IL2RA: variants seen among roughly 807,000 people sequenced by gnomAD.
IL2RA encodes interleukin 2 receptor subunit alpha.
IL2RA carries 24 observed loss-of-function variants against 37.8 expected under a neutral mutation model. That is an observed-to-expected ratio of 0.63 (90% CI 0.46 to 0.89). The LOEUF is 0.89. Ranked by LOEUF, IL2RA falls within the 40% of genes least tolerant of loss-of-function variation. The probability of loss-of-function intolerance (pLI) is 0.00; values close to 1 mark genes in which losing one functional copy is unlikely to be tolerated. For synonymous variants in IL2RA, 125 were observed against 114.6 expected (o/e 1.09, Z -0.58); for missense variants, 319 against 348.6 (o/e 0.92, Z 0.68).
intron 1 of IL2RA, among the ~76,000 whole-genome samples, chr10:6,037,412 TTTACTC>T (rs1839705498): frequency 3.3e-5 from 5 of 152,256 alleles, no homozygotes; most frequent in African/African-American, 1.2e-4. Context: ...GTGAAGTTGT[TTTACTC>T]TTAGCCCAGC....
chr10:6,053,036 G>A (rs1157618360), intron 1 of IL2RA, among the ~76,000 whole-genome samples: 1 of 152,158 alleles, frequency 6.6e-6, no homozygotes, highest in Non-Finnish European at 1.5e-5. Context: ...CGGCTCTGTG[G>A]GTACCGCCTC....
At chr10:6,059,591 A>C (rs750653084) in intron 1 of IL2RA, among the ~76,000 whole-genome samples, 4 of 152,184 alleles carry the variant, frequency 2.6e-5, no homozygotes, top group Non-Finnish European at 5.9e-5. Flanking sequence ...AAAATGCCTA[A>C]TGCCTTAGAT....
rs1052952499 is a variant in IL2RA, at chr10:6,035,426, G to C, written c.65-9401C>G. Among the ~76,000 whole-genome samples, 1 of 152,200 alleles carries C rather than the reference G, an allele frequency of 6.6e-6. No individual in the cohort carries two copies. The highest frequency in any genetic ancestry group is 1.5e-5 in the Non-Finnish European group (1 of 68,032). ...GCAGGACGGAGCTGCTCTTGCACAC[G>C]GTTTCGTGGGCTGGATTTTCTCTGT... is the stretch of plus-strand genomic sequence containing the variant. On this transcript the variant is annotated intron_variant, in intron 1 of 7. Coordinates refer to ENST00000379959, the MANE Select transcript of IL2RA (RefSeq NM_000417.3). This position sits in a 1 kb window ranked among gnomAD's most constrained non-coding sequence, Gnocchi z 5.4.
In IL2RA at chr10:6,046,936, G is replaced by T. The variant is rs1019095263; in HGVS notation, c.64+15152C>A. On this transcript the variant is annotated intron_variant, in intron 1 of 7. Transcript: ENST00000379959. The surrounding 1 kb of genome is among the most constrained non-coding windows in gnomAD (Gnocchi z 4.8). ...CATGGGAACTTAAGATGCAGGCAGGGATCCCATGTCCTACTGGAAGGTTTA... is the reference window on the plus strand; with the variant it reads ...CATGGGAACTTAAGATGCAGGCAGGTATCCCATGTCCTACTGGAAGGTTTA... Among the ~76,000 whole-genome samples the T allele has an allele frequency of 6.6e-6, 1 of 152,190 alleles. No homozygotes were observed. Among genetic ancestry groups the T allele is most frequent in the Admixed American group, 6.5e-5 (1 of 15,292 alleles).
At position 6,029,336 on chromosome 10, in the gene IL2RA, T is replaced by C. The variant is rs952849380; in HGVS notation, c.65-3311A>G. Among the ~76,000 whole-genome samples the C allele has an allele frequency of 6.6e-6, 1 of 151,990 alleles. No homozygotes were observed. Among genetic ancestry groups the C allele is most frequent in the Non-Finnish European group, 1.5e-5 (1 of 68,008 alleles). On this transcript the variant is annotated intron_variant, in intron 1 of 7. Coordinates refer to ENST00000379959, the MANE Select transcript of IL2RA (RefSeq NM_000417.3). This position sits in a 1 kb window ranked among gnomAD's most constrained non-coding sequence, Gnocchi z 4.6. ...TGCGCCAACACGTCTGGCTACTTTT[T>C]GTGTTTTTAGTAGAGATGAGGTTTC...
rs557387031 is a variant in IL2RA at position 6,014,483 on chromosome 10, G to A, written c.795-1587C>T. Among the ~76,000 whole-genome samples the A allele has an allele frequency of 6.6e-5, 10 of 152,216 alleles. No individual in the cohort carries two copies. The highest frequency in any genetic ancestry group is 1.2e-4 in the Non-Finnish European group (8 of 68,044). On this transcript the variant is annotated intron_variant, in intron 7 of 7. Coordinates refer to ENST00000379959, the MANE Select transcript of IL2RA (RefSeq NM_000417.3). The surrounding 1 kb of genome is among the most constrained non-coding windows in gnomAD (Gnocchi z 4.4). ...GTGGGAACTCACATAGGTTCACACA[G>A]TTATTTGTTTCACAACATAAACACT... is the stretch of plus-strand genomic sequence containing the variant.
chr10:6,042,277 C>T (rs199936937), intron 1 of IL2RA, among the ~76,000 whole-genome samples: 1 of 149,618 alleles, frequency 6.7e-6, no homozygotes, highest in Non-Finnish European at 1.5e-5. Flanking sequence ...CCTACACAAT[C>T]ATTTTAATAG....
chr10:6,017,434 C>G lies in IL2RA; in HGVS notation c.794+619G>C, dbSNP rs560925525. On this transcript the variant is annotated intron_variant, in intron 7 of 7. Transcript: ENST00000379959. ...CCATCTTCTCCAAGCTGTTGCATCT[C>G]TCTAGGCCACAGCTATTCCAAAGGT... Among the ~76,000 whole-genome samples the G allele has an allele frequency of 1.1e-4, 16 of 152,236 alleles. No individual in the cohort carries two copies. In the South Asian group the frequency reaches 3.3e-3, roughly 32 times the overall value.
Position 6,018,018 on chromosome 10 carries a change from C to T in IL2RA, c.794+35G>A. On this transcript the variant is annotated intron_variant, in intron 7 of 7. Transcript: ENST00000379959. The surrounding 1 kb of genome is among the most constrained non-coding windows in gnomAD (Gnocchi z 5.1). Reference sequence around the variant, plus strand: ...GTGGGGCTGGGTACAGGACTTTGATCTGACCAAGGGCTGCCTTGGTGATGC... The same window carrying T: ...GTGGGGCTGGGTACAGGACTTTGATTTGACCAAGGGCTGCCTTGGTGATGC... 6.3e-7 allele frequency: 1 copy of T among 1,589,618 alleles called. No individual in the cohort carries two copies. The highest frequency in any genetic ancestry group is 1.1e-5 in the South Asian group (1 of 89,626).
At chr10:6,053,347 C>T (rs776670429) in intron 1 of IL2RA, among the ~76,000 whole-genome samples, 42 of 152,194 alleles carry the variant, frequency 2.8e-4, no homozygotes, top group Non-Finnish European at 4.7e-4. Flanking sequence ...TGAGAATTAA[C>T]CAAAGTAATA....
intron 1 of IL2RA, among the ~76,000 whole-genome samples, chr10:6,043,021 C>G (rs1282603636): frequency 6.6e-6 from 1 of 152,092 alleles, no homozygotes; most frequent in East Asian, 1.9e-4. Flanking sequence ...TAGGTATATT[C>G]CTAGAGAAAT....
At position 6,044,232 on chromosome 10, in the gene IL2RA, T is replaced by C. The variant is rs1349618085; in HGVS notation, c.64+17856A>G. On this transcript the variant is annotated intron_variant, in intron 1 of 7. Transcript: ENST00000379959. The surrounding 1 kb of genome is among the most constrained non-coding windows in gnomAD (Gnocchi z 4.5). ...CTTAGCCCGCAAGGGTTCTTGGCTT[T>C]GCCCAGGAAGGAATTCAGGGGCAAG... Among the ~76,000 whole-genome samples, 1 of 152,220 alleles carries C rather than the reference T, an allele frequency of 6.6e-6. No individual in the cohort carries two copies. The highest frequency in any genetic ancestry group is 2.4e-5 in the African/African-American group (1 of 41,454).
chr10:6,018,905 A>C lies in IL2RA; in HGVS notation c.727+523T>G, dbSNP rs1437212739. ...CTACCAACAAACTAACCAACCAACC[A>C]ATCTACCAATCTATCTACCAACCAA... On this transcript the variant is annotated intron_variant, in intron 6 of 7. Transcript: ENST00000379959. This position sits in a 1 kb window ranked among gnomAD's most constrained non-coding sequence, Gnocchi z 5.1. Among the ~76,000 whole-genome samples, 1 of 151,980 alleles carries C rather than the reference A, an allele frequency of 6.6e-6. No homozygotes were observed. The highest frequency in any genetic ancestry group is 6.6e-5 in the Admixed American group (1 of 15,266).
chr10:6,015,335 C>T lies in IL2RA; in HGVS notation c.795-2439G>A, dbSNP rs189997859. Among the ~76,000 whole-genome samples, 250 of 152,156 alleles carry T rather than the reference C, an allele frequency of 1.6e-3. No individual in the cohort carries two copies. Among genetic ancestry groups the T allele is most frequent in the African/African-American group, 5.8e-3 (240 of 41,492 alleles). ...CTCAAACTCCTGACCTCAAGTAATC[C>T]GCCTGCCTCGGCCTCCCAAAGTGCT... is the stretch of plus-strand genomic sequence containing the variant. On this transcript the variant is annotated intron_variant, in intron 7 of 7. Coordinates refer to ENST00000379959, the MANE Select transcript of IL2RA (RefSeq NM_000417.3). This position sits in a 1 kb window ranked among gnomAD's most constrained non-coding sequence, Gnocchi z 4.9.
rs1187738107 is a variant in IL2RA, at chr10:6,054,493, A to G, written c.64+7595T>C. 6.6e-6 allele frequency among the ~76,000 whole-genome samples: 1 copy of G among 152,154 alleles called. No individual in the cohort carries two copies. Among genetic ancestry groups the G allele is most frequent in the South Asian group, 2.1e-4 (1 of 4,818 alleles). Reference sequence around the variant, plus strand: ...ACATGCTGTCTGTCTGAGCAAAAGTATTCGTTTTTGTCCGAGAATCTGAGA... The same window carrying G: ...ACATGCTGTCTGTCTGAGCAAAAGTGTTCGTTTTTGTCCGAGAATCTGAGA... On this transcript the variant is annotated intron_variant, in intron 1 of 7. Transcript: ENST00000379959. The surrounding 1 kb of genome is among the most constrained non-coding windows in gnomAD (Gnocchi z 4.5).
At position 6,035,024 on chromosome 10, in the gene IL2RA, G is replaced by A. The variant is rs755819446; in HGVS notation, c.65-8999C>T. On this transcript the variant is annotated intron_variant, in intron 1 of 7. Transcript: ENST00000379959. This position sits in a 1 kb window ranked among gnomAD's most constrained non-coding sequence, Gnocchi z 5.4. ...TGGGAAAATTTGAGATGATCAATTC[G>A]GGAGTTGGAGGTGGGGGTGTAGGGT... Among the ~76,000 whole-genome samples, 57 of 152,252 alleles carry A rather than the reference G, an allele frequency of 3.7e-4. No individual in the cohort carries two copies. The highest frequency in any genetic ancestry group is 5.9e-4 in the Non-Finnish European group (40 of 68,014).
chr10:6,061,152 G>A (rs1397565921), intron 1 of IL2RA, among the ~76,000 whole-genome samples: 2 of 152,142 alleles, frequency 1.3e-5, no homozygotes, highest in African/African-American at 2.4e-5. Flanking sequence ...AGTATGGGAG[G>A]CCAGGGTGAG....
At chr10:6,019,071 C>T (rs1401219026) in intron 6 of IL2RA, among the ~76,000 whole-genome samples, 2 of 152,046 alleles carry the variant, frequency 1.3e-5, no homozygotes, top group African/African-American at 4.8e-5. Context: ...TATCAACTTA[C>T]CAACCAACCT....
rs1026226114 is a variant in IL2RA at position 6,047,469 on chromosome 10, G to T, written c.64+14619C>A. 6.6e-6 allele frequency among the ~76,000 whole-genome samples: 1 copy of T among 152,150 alleles called. No homozygotes were observed. Among genetic ancestry groups the T allele is most frequent in the South Asian group, 2.1e-4 (1 of 4,830 alleles). On this transcript the variant is annotated intron_variant, in intron 1 of 7. Transcript: ENST00000379959. This position sits in a 1 kb window ranked among gnomAD's most constrained non-coding sequence, Gnocchi z 5.0. ...TGTAGCATGCACCCTGTGCCTCCGG[G>T]CCACCAAAAACAGCAATCACGTCAG...
Sources: allele counts gnomAD v4.1 joint callset (sites outside exome capture counted in the v4.1 genomes callset), GRCh38; gene constraint gnomAD v4.1.1; non-coding constraint Gnocchi (gnomAD v3.1); transcripts MANE v1.5; gene names NCBI Gene and HGNC (gene_info 2026-07-23, HGNC 2026-07-21).